Variants in PDE1C observed in about 807,000 individuals in gnomAD.
PDE1C encodes dual specificity calcium/calmodulin-dependent 3',5'-cyclic nucleotide phosphodiesterase 1C.
Under a neutral mutation model 93.1 loss-of-function variants are expected in PDE1C, and 62 were observed. That is an observed-to-expected ratio of 0.67 (90% CI 0.54 to 0.82). The LOEUF (loss-of-function observed/expected upper bound fraction) is 0.82. PDE1C is among the 40% of genes least tolerant of loss of function. The probability of loss-of-function intolerance (pLI) is 0.00; values close to 1 mark genes in which losing one functional copy is unlikely to be tolerated. For synonymous variants in PDE1C, 325 were observed against 310.1 expected, an observed-to-expected ratio of 1.05 and a Z score of -0.50; for missense variants, 742 against 884.6, an observed-to-expected ratio of 0.84 and a Z score of 2.04.
chr7:31,950,959 C>T (rs1292679079), intron 2 of PDE1C, among the ~76,000 whole-genome samples: 1 of 152,144 alleles, frequency 6.6e-6, no homozygotes, highest in African/African-American at 2.4e-5. Flanking sequence ...TCTCATAGTT[C>T]TGGAGGCGGA....
chr7:31,772,364 T>C (rs1338112686), intron 17 of PDE1C, among the ~76,000 whole-genome samples: 1 of 152,154 alleles, frequency 6.6e-6, no homozygotes, highest in Non-Finnish European at 1.5e-5. Flanking sequence ...ATGTCCTGTA[T>C]TCAGGTTATA....
chr7:32,417,983 T>A (rs919450640), intron 1 of PDE1C, among the ~76,000 whole-genome samples: 1 of 152,140 alleles, frequency 6.6e-6, no homozygotes, highest in Admixed American at 6.5e-5. Context: ...TGTTTGTTTG[T>A]TTTTGTTTTG....
the PDE1C span, among the ~76,000 whole-genome samples, chr7:31,663,506 A>C: frequency 6.6e-6 from 1 of 152,174 alleles, no homozygotes; most frequent in African/African-American, 2.4e-5. Flanking sequence ...TCTTGATTTT[A>C]TGCCGGAAAA....
chr7:31,955,472 T>C (rs1808000131), intron 2 of PDE1C, among the ~76,000 whole-genome samples: 1 of 152,210 alleles, frequency 6.6e-6, no homozygotes, highest in African/African-American at 2.4e-5. Context: ...GCTAATCTTA[T>C]AAAGAACTTA....
At chr7:31,781,422 C>CAA (rs750270087) in intron 16 of PDE1C, among the ~76,000 whole-genome samples, 106,229 of 151,456 alleles carry the variant, frequency 0.7, 41,100 homozygotes, top group Non-Finnish European at 0.88. Flanking sequence ...ACTTATTGGC[C>CAA]ATTTTCAATT....
intron 12 of PDE1C, among the ~76,000 whole-genome samples, chr7:31,827,179 A>G (rs1440033851): frequency 6.6e-6 from 1 of 152,102 alleles, no homozygotes; most frequent in Non-Finnish European, 1.5e-5. Flanking sequence ...TGTTCTTGCC[A>G]TATGGAAATG....
chr7:31,901,219 A>C (rs1799941305), intron 2 of PDE1C, among the ~76,000 whole-genome samples: 1 of 151,636 alleles, frequency 6.6e-6, no homozygotes, highest in Admixed American at 6.6e-5. Flanking sequence ...ATTGAACAAA[A>C]ATTTCATTAC....
At chr7:32,225,039 C>A (rs1330245926) in intron 1 of PDE1C, among the ~76,000 whole-genome samples, 1 of 138,184 alleles carries the variant, frequency 7.2e-6, no homozygotes, top group Non-Finnish European at 1.6e-5. Context: ...AAAAAAAAGA[C>A]TATTAAAATA....
intron 6 of PDE1C, among the ~76,000 whole-genome samples, chr7:31,871,344 C>T (rs1795931690): frequency 6.6e-6 from 1 of 151,704 alleles, no homozygotes; most frequent in South Asian, 2.1e-4. Context: ...AAAACACAGG[C>T]AATAAAAACA....
At chr7:32,095,016 A>G (rs1294132181) in intron 3 of PDE1C, among the ~76,000 whole-genome samples, 1 of 152,218 alleles carries the variant, frequency 6.6e-6, no homozygotes, top group Admixed American at 6.5e-5. Context: ...TAAGATCTGC[A>G]TATCTTTCCA....
intron 1 of PDE1C, among the ~76,000 whole-genome samples, chr7:32,388,158 C>T (rs1467102441): frequency 6.6e-6 from 1 of 152,060 alleles, no homozygotes; most frequent in Non-Finnish European, 1.5e-5. Flanking sequence ...AGCAATATGA[C>T]AGATTTGGTT....
chr7:32,151,267 A>C (rs970333982), intron 3 of PDE1C, among the ~76,000 whole-genome samples: 1 of 152,128 alleles, frequency 6.6e-6, no homozygotes, highest in African/African-American at 2.4e-5. Flanking sequence ...CAAGACAAAG[A>C]TATTCCACTT....
At chr7:31,648,490 T>C in the PDE1C span, among the ~76,000 whole-genome samples, 53 of 152,274 alleles carry the variant, frequency 3.5e-4, no homozygotes, top group African/African-American at 1.3e-3. Context: ...AACCAGAAGA[T>C]GGCAGCATTT....
intron 1 of PDE1C, among the ~76,000 whole-genome samples, chr7:32,294,689 C>T (rs2128899015): frequency 6.6e-6 from 1 of 152,308 alleles, no homozygotes; most frequent in Admixed American, 6.5e-5. Context: ...TTAATACAAA[C>T]CCAAATAGAC....
intron 2 of PDE1C, among the ~76,000 whole-genome samples, chr7:32,030,806 T>C (rs1023102382): frequency 1.3e-5 from 2 of 152,096 alleles, no homozygotes; most frequent in Non-Finnish European, 2.9e-5. Flanking sequence ...CCTTCTCTCC[T>C]CAAGGAAGGA....
chr7:32,267,586 A>ACTCT (rs57210713), intron 1 of PDE1C, among the ~76,000 whole-genome samples: 2,134 of 117,502 alleles, frequency 0.018, 42 homozygotes, highest in East Asian at 0.069. Flanking sequence ...ACACACACAC[A>ACTCT]CTCTCTCTCT....
chr7:32,401,452 A>G (rs390326), intron 1 of PDE1C, among the ~76,000 whole-genome samples: 139,547 of 151,706 alleles, frequency 0.92, 65,037 homozygotes, highest in Non-Finnish European at 0.99. Flanking sequence ...CAGGAGAATC[A>G]CTTTAACCCA....
chr7:32,208,642 G>T (rs183204530), intron 2 of PDE1C, among the ~76,000 whole-genome samples: 2 of 152,216 alleles, frequency 1.3e-5, no homozygotes, highest in South Asian at 4.1e-4. Context: ...ACAGTTGTAC[G>T]ATTTCTCCAC....
At chr7:32,092,756 T>C (rs1179184919) in intron 3 of PDE1C, among the ~76,000 whole-genome samples, 3 of 152,238 alleles carry the variant, frequency 2.0e-5, no homozygotes, top group African/African-American at 7.2e-5. Context: ...ACAAAAACTA[T>C]AGTTTTGTAA....
Sources: allele counts gnomAD v4.1 joint callset (sites outside exome capture counted in the v4.1 genomes callset), GRCh38; gene constraint gnomAD v4.1.1; transcripts MANE v1.5; gene names NCBI Gene and HGNC (gene_info 2026-07-23, HGNC 2026-07-21).